NUBPL: variants seen among roughly 807,000 people sequenced by gnomAD.
NUBPL encodes the protein iron-sulfur cluster transfer protein NUBPL.
Under a neutral mutation model 45.7 loss-of-function variants are expected in NUBPL, and 31 were observed. The observed-to-expected ratio is 0.68, with a 90% CI of 0.51 to 0.92. The LOEUF (loss-of-function observed/expected upper bound fraction) is 0.92. Ranked by LOEUF, NUBPL falls within the 40% of genes least tolerant of loss-of-function variation. The probability of loss-of-function intolerance (pLI) is 0.00; values close to 1 mark genes in which losing one functional copy is unlikely to be tolerated. For missense variants in NUBPL, 401 were observed against 398.7 expected (o/e 1.01, Z -0.05); for synonymous variants, 144 against 140.9 (o/e 1.02, Z -0.15).
At chr14:31,702,939 T>G (rs984863767) in intron 6 of NUBPL, among the ~76,000 whole-genome samples, 1 of 152,248 alleles carries the variant, frequency 6.6e-6, no homozygotes, top group Non-Finnish European at 1.5e-5. Context: ...ATAAATTCTC[T>G]TTAATATCTT....
chr14:31,804,870 A>G (rs1206625276), intron 7 of NUBPL, among the ~76,000 whole-genome samples: 2 of 152,164 alleles, frequency 1.3e-5, no homozygotes, highest in Non-Finnish European at 2.9e-5. Flanking sequence ...TGGACATAGG[A>G]ATGGCAAAGA....
rs149679880 is a variant in NUBPL at position 31,570,104 on chromosome 14, G to A, written c.291+5056G>A. 9.1e-4 allele frequency among the ~76,000 whole-genome samples: 139 copies of A among 152,220 alleles called. 1 individual carries two copies. In the East Asian group the frequency reaches 0.026, roughly 28 times the overall value. ...CCTCTAACACTCATTGCCAGACACC[G>A]GCAGAAAGTAAAGAAGAATAAACAT... On this transcript the variant is annotated intron_variant, in intron 3 of 10. Transcript: ENST00000281081.
At chr14:31,759,556 A>C (rs997100248) in intron 6 of NUBPL, among the ~76,000 whole-genome samples, 2 of 152,024 alleles carry the variant, frequency 1.3e-5, no homozygotes, top group Admixed American at 1.3e-4. Context: ...TTTTTTGTGG[A>C]GAGAACATTT....
intron 6 of NUBPL, among the ~76,000 whole-genome samples, chr14:31,687,455 G>T (rs1277628324): frequency 6.6e-6 from 1 of 152,148 alleles, no homozygotes; most frequent in South Asian, 2.1e-4. Flanking sequence ...CACTGTGCAT[G>T]GTGCCATTAG....
intron 4 of NUBPL, among the ~76,000 whole-genome samples, chr14:31,647,050 A>G (rs958150836): frequency 6.6e-6 from 1 of 152,028 alleles, no homozygotes; most frequent in Non-Finnish European, 1.5e-5. Context: ...TTTCTGCTTG[A>G]TTTATTTTTA....
At chr14:31,643,857 T>C (rs2035773007) in intron 4 of NUBPL, among the ~76,000 whole-genome samples, 1 of 152,130 alleles carries the variant, frequency 6.6e-6, no homozygotes, top group Non-Finnish European at 1.5e-5. Context: ...TGTTTCTCCC[T>C]GGTTCAATCT....
chr14:31,587,847 A>G (rs959554643), intron 3 of NUBPL, among the ~76,000 whole-genome samples: 4 of 152,252 alleles, frequency 2.6e-5, no homozygotes, highest in South Asian at 4.1e-4. Context: ...GATAAAAATA[A>G]TAAGTGCACA....
At chr14:31,855,815 T>A (rs896184253) in intron 10 of NUBPL, among the ~76,000 whole-genome samples, 1 of 152,130 alleles carries the variant, frequency 6.6e-6, no homozygotes, top group African/African-American at 2.4e-5. Flanking sequence ...GTCTGGGAAT[T>A]GGTCAGCTTA....
rs546728872 is a variant in NUBPL, at chr14:31,595,376, A to C, written c.292-3913A>C. The stretch of plus-strand genomic sequence containing the variant: ...TTAGGTTAAGTTTATGGTGACATTA[A>C]AGATGACAATCAGACTTTACAATAG... On this transcript the variant is annotated intron_variant, in intron 3 of 10. Transcript: ENST00000281081. Among the ~76,000 whole-genome samples the C allele has an allele frequency of 2.0e-5, 3 of 152,360 alleles. 1 individual carries two copies. The South Asian group carries it at 6.2e-4, about 32-fold the overall frequency.
At chr14:31,787,110 A>G (rs2039298716) in intron 6 of NUBPL, among the ~76,000 whole-genome samples, 1 of 152,152 alleles carries the variant, frequency 6.6e-6, no homozygotes, top group Non-Finnish European at 1.5e-5. Context: ...TCTGCTTTAC[A>G]ATTGAGAAGA....
At chr14:31,752,139 T>G (rs2038545932) in intron 6 of NUBPL, among the ~76,000 whole-genome samples, 1 of 152,224 alleles carries the variant, frequency 6.6e-6, no homozygotes, top group Non-Finnish European at 1.5e-5. Flanking sequence ...TTCTCCCCAT[T>G]GTCTTGGTGA....
At chr14:31,791,635 A>G (rs1445991251) in intron 7 of NUBPL, among the ~76,000 whole-genome samples, 2 of 152,206 alleles carry the variant, frequency 1.3e-5, no homozygotes, top group African/African-American at 2.4e-5. Flanking sequence ...GTGGCTGGTA[A>G]GAAAAGGACA....
intron 4 of NUBPL, among the ~76,000 whole-genome samples, chr14:31,624,785 G>A (rs2035161355): frequency 6.6e-6 from 1 of 152,092 alleles, no homozygotes; most frequent in South Asian, 2.1e-4. Context: ...GGCTGGTCTT[G>A]AACTCCTGAC....
At chr14:31,609,804 A>G (rs1459880670) in intron 4 of NUBPL, among the ~76,000 whole-genome samples, 1 of 152,172 alleles carries the variant, frequency 6.6e-6, no homozygotes, top group African/African-American at 2.4e-5. Context: ...ATTAAACAAT[A>G]TGCTCCTGAA....
chr14:31,815,081 G>A (rs998454665), intron 7 of NUBPL, among the ~76,000 whole-genome samples: 3 of 152,116 alleles, frequency 2.0e-5, no homozygotes, highest in African/African-American at 7.2e-5. Context: ...AAGAAAGTCA[G>A]TGGTAGCTTG....
In NUBPL at chr14:31,576,500, G is replaced by A. The variant is rs915862881; in HGVS notation, c.291+11452G>A. On this transcript the variant is annotated intron_variant, in intron 3 of 10. Coordinates refer to ENST00000281081, the MANE Select transcript of NUBPL (RefSeq NM_025152.3). The stretch of plus-strand genomic sequence containing the variant: ...GGTCTGAAACTCTTGGGCTTAAGTC[G>A]TCTTCCTCCTTTAGCCTCACAAAGT... Among the ~76,000 whole-genome samples the A allele has an allele frequency of 4.6e-5, 7 of 152,084 alleles. No homozygotes were observed. The East Asian group carries it at 7.7e-4, about 17-fold the overall frequency.
chr14:31,731,229 A>C (rs1232075428), intron 6 of NUBPL, among the ~76,000 whole-genome samples: 2 of 152,210 alleles, frequency 1.3e-5, no homozygotes, highest in South Asian at 2.1e-4. Context: ...GTGAACTGGG[A>C]GATAGGTCAG....
intron 6 of NUBPL, among the ~76,000 whole-genome samples, chr14:31,679,190 C>G (rs2036771348): frequency 6.6e-6 from 1 of 152,224 alleles, no homozygotes; most frequent in East Asian, 1.9e-4. Flanking sequence ...CAATTCAAGA[C>G]TGTCTTTCCT....
rs77960720 is a variant in NUBPL at position 31,853,080 on chromosome 14, G to GTGTTTTGTTTTGTTT, written c.897+2905_897+2919dup. Among the ~76,000 whole-genome samples, 88 of 118,346 alleles carry GTGTTTTGTTTTGTTT rather than the reference G, an allele frequency of 7.4e-4. 1 individual carries two copies. In the South Asian group the frequency reaches 0.013, roughly 18 times the overall value. 77.6% of individuals were successfully genotyped at this position (118,346 alleles called of 152,430 possible). A position where few individuals can be genotyped will look rare whatever the true frequency, so the allele number is the denominator to read the frequency against. ...TAGACTGATACTGTTGTGTTGTGTT[G>GTGTTTTGTTTTGTTT]TGTTTTGTTTTGTTTTGTTTTGTTT... On this transcript the variant is annotated intron_variant, in intron 10 of 10. Transcript: ENST00000281081.
Sources: allele counts gnomAD v4.1 joint callset (sites outside exome capture counted in the v4.1 genomes callset), GRCh38; gene constraint gnomAD v4.1.1; transcripts MANE v1.5; gene names NCBI Gene and HGNC (gene_info 2026-07-23, HGNC 2026-07-21).